Variants in DCAF6 observed in about 807,000 individuals in gnomAD.
The protein encoded by DCAF6 is DDB1 and CUL4 associated factor 6.
A neutral mutation model predicts 125.1 loss-of-function variants in DCAF6; 54 were observed. That is an observed-to-expected ratio of 0.43 (90% CI 0.35 to 0.54). The LOEUF is 0.54. DCAF6 is among the 20% of genes least tolerant of loss of function. The pLI is 0.01. For synonymous variants in DCAF6, 371 were observed against 390.4 expected (o/e 0.95, Z 0.58); for missense variants, 934 against 1,161.7 (o/e 0.80, Z 2.85).
chr1:167,919,008 T>G, the DCAF6 span, among the ~76,000 whole-genome samples: 2 of 152,218 alleles, frequency 1.3e-5, no homozygotes, highest in African/African-American at 4.8e-5. Flanking sequence ...TGTGAACATA[T>G]GTATAAAATT....
At chr1:167,926,967 ATTC>A in the DCAF6 span, among the ~76,000 whole-genome samples, 2 of 152,200 alleles carry the variant, frequency 1.3e-5, no homozygotes, top group Non-Finnish European at 2.9e-5. Context: ...CAGCCTGTAT[ATTC>A]TTCTATCATT....
chr1:167,887,135 T>C, the DCAF6 span, among the ~76,000 whole-genome samples: 9 of 152,294 alleles, frequency 5.9e-5, no homozygotes, highest in African/African-American at 2.2e-4. Flanking sequence ...GAAGACAGTG[T>C]GGCGATTCCT....
intron 1 of DCAF6, among the ~76,000 whole-genome samples, chr1:167,938,152 A>C (rs1045593619): frequency 2.6e-5 from 4 of 152,082 alleles, no homozygotes; most frequent in Non-Finnish European, 1.5e-5. Context: ...CTCCCATTCA[A>C]TTTCACTCCG....
the DCAF6 span, among the ~76,000 whole-genome samples, chr1:167,909,481 C>A: frequency 6.6e-6 from 1 of 152,134 alleles, no homozygotes; most frequent in Non-Finnish European, 1.5e-5. Context: ...GGGCCACATG[C>A]GGTCCAGGAT....
In DCAF6 at chr1:168,042,945, C is replaced by T. The variant is rs139560022; in HGVS notation, c.1728-80C>T. On this transcript the variant is annotated intron_variant, in intron 13 of 21. Transcript: ENST00000367840. Reference sequence around the variant, plus strand: ...CTTGTGAATTTTTTGGTCTACCTTTCTAGTTGTAAAATATAAAAATCCTAA... The same window carrying T: ...CTTGTGAATTTTTTGGTCTACCTTTTTAGTTGTAAAATATAAAAATCCTAA... 161 of 1,017,090 alleles carry T rather than the reference C, an allele frequency of 1.6e-4. No homozygotes were observed. The African/African-American group carries it at 2.0e-3, about 13-fold the overall frequency. 63.0% of individuals were successfully genotyped at this position (1,017,090 alleles called of 1,614,324 possible).
At chr1:167,963,392 A>C (rs970033955) in intron 2 of DCAF6, among the ~76,000 whole-genome samples, 3 of 142,808 alleles carry the variant, frequency 2.1e-5, no homozygotes, top group African/African-American at 7.8e-5. Flanking sequence ...CCTTGTTCCT[A>C]TTTTTGTTTT....
chr1:167,942,913 G>GGTCTTTTTT (rs1262987689), intron 1 of DCAF6, among the ~76,000 whole-genome samples: 1 of 151,920 alleles, frequency 6.6e-6, no homozygotes, highest in African/African-American at 2.4e-5. Context: ...CTTTAAACTT[G>GGTCTTTTTT]GTCTTTTTTT....
intron 7 of DCAF6, among the ~76,000 whole-genome samples, chr1:167,996,757 G>A (rs1681767309): frequency 6.6e-6 from 1 of 152,050 alleles, no homozygotes. Context: ...AGTAACTCAG[G>A]CCAAGCATGA....
At chr1:168,042,952 T>G (rs1184766442) in intron 13 of DCAF6, 73 bp from the exon 14 acceptor site, 10 of 1,130,398 alleles carry the variant, frequency 8.8e-6, no homozygotes, top group Non-Finnish European at 1.3e-5. Flanking sequence ...TTTCTAGTTG[T>G]AAAATATAAA....
At chr1:167,982,284 C>G (rs373384047) in intron 4 of DCAF6, among the ~76,000 whole-genome samples, 19 of 152,126 alleles carry the variant, frequency 1.2e-4, no homozygotes, top group African/African-American at 4.3e-4. Context: ...GCTTCATCGC[C>G]AGGCTGGAGT....
the DCAF6 span, among the ~76,000 whole-genome samples, chr1:167,864,712 C>A: frequency 6.7e-3 from 1,020 of 152,044 alleles, 9 homozygotes; most frequent in Admixed American, 0.011. Context: ...AAATTTAAAA[C>A]CTAAAATTGA....
the DCAF6 span, among the ~76,000 whole-genome samples, chr1:167,882,306 G>A: frequency 3.3e-5 from 5 of 151,882 alleles, no homozygotes; most frequent in African/African-American, 7.3e-5. Context: ...CCAACATGGC[G>A]AAACCTCATC....
chr1:167,936,777 C>T lies in DCAF6; in HGVS notation c.-135C>T. On this transcript the variant is annotated 5_prime_UTR_variant, in exon 1 of 22. Transcript: ENST00000367840. Reference sequence around the variant, plus strand: ...GGCCCAGGCGCCGCTGCTGCCACCGCCATCTAACGCTGCGCCCTGGAGGCC... The same window carrying T: ...GGCCCAGGCGCCGCTGCTGCCACCGTCATCTAACGCTGCGCCCTGGAGGCC... 2.7e-6 allele frequency: 2 copies of T among 743,162 alleles called. No homozygotes were observed. The highest frequency in any genetic ancestry group is 2.8e-5 in the Admixed American group (1 of 36,104). 46.0% of individuals were successfully genotyped at this position (743,162 alleles called of 1,614,324 possible). A position where few individuals can be genotyped will look rare whatever the true frequency, so the allele number is the denominator to read the frequency against.
At chr1:168,019,436 G>A in intron 11 of DCAF6, 2 of 331,728 alleles carry the variant, frequency 6.0e-6, no homozygotes, top group Non-Finnish European at 1.3e-5. Context: ...AGCATTCAGG[G>A]TTTTGAATGA....
At chr1:167,932,876 TTATTTCTTTGAC>T (rs1670950489), upstream of DCAF6, among the ~76,000 whole-genome samples, 1 of 149,148 alleles carries the variant, frequency 6.7e-6, no homozygotes, top group South Asian at 2.1e-4. Context: ...AACTTCAAGA[TTATTTCTTTGAC>T]AAACACTGGA....
At chr1:167,898,188 G>C in the DCAF6 span, among the ~76,000 whole-genome samples, 1,265 of 151,672 alleles carry the variant, frequency 8.3e-3, 73 homozygotes, top group Admixed American at 0.077. Flanking sequence ...TGTTATGAAA[G>C]ATGTTAACAT....
chr1:168,067,564 A>G (rs1296534020), intron 20 of DCAF6, among the ~76,000 whole-genome samples: 1 of 152,242 alleles, frequency 6.6e-6, no homozygotes, highest in Non-Finnish European at 1.5e-5. Flanking sequence ...ATGAGAGGGT[A>G]AATGAACCAT....
chr1:168,065,744 C>T lies in DCAF6; in HGVS notation c.2594C>T (p.Pro865Leu). Reference protein sequence around the residue: ...VNCLQPHPFDPILASSGIDYD... With the variant: ...VNCLQPHPFDLILASSGIDYD... The stretch of plus-strand genomic sequence containing the variant: ...TGCCTGCAGCCACATCCGTTTGACC[C>T]AAGTAAGATATCTTTTCTAGGACGA... Residue 865 changes from proline to leucine, a missense_variant and splice_region_variant, in exon 19 of 22, where the codon CCA (proline) becomes CTA (leucine). Physicochemically the swap from Pro to Leu is moderately conservative, Grantham distance 98. Coordinates refer to ENST00000367840, the MANE Select transcript of DCAF6 (RefSeq NM_001198956.2). 1 of 1,608,966 alleles carries T rather than the reference C, an allele frequency of 6.2e-7. No individual in the cohort carries two copies. The highest frequency in any genetic ancestry group is 8.5e-7 in the Non-Finnish European group (1 of 1,177,334).
At chr1:168,029,820 AAC>A (rs779731642) in intron 12 of DCAF6, among the ~76,000 whole-genome samples, 32 of 152,108 alleles carry the variant, frequency 2.1e-4, no homozygotes, top group African/African-American at 6.0e-4. Flanking sequence ...CTCTATGAAA[AAC>A]ACAAAAAATT....
Sources: gnomAD v4.1 joint callset for allele counts (sites outside exome capture counted in the v4.1 genomes callset) on GRCh38, gnomAD v4.1.1 for gene constraint, MANE v1.5 for transcripts, NCBI Gene and HGNC (gene_info 2026-07-23, HGNC 2026-07-21) for gene names.